The following HTR4 variants were observed in gnomAD, a reference collection of about 807,000 sequenced individuals.
The protein encoded by HTR4 is 5-hydroxytryptamine receptor 4.
HTR4 carries 16 observed loss-of-function variants against 36.8 expected under a neutral mutation model. The observed-to-expected ratio is 0.43, with a 90% CI of 0.29 to 0.66. HTR4 has a LOEUF of 0.66. Ranked by LOEUF, HTR4 falls within the 30% of genes least tolerant of loss-of-function variation. The pLI, the probability that HTR4 is intolerant of heterozygous loss-of-function variation, is 0.13. For synonymous variants in HTR4, 189 were observed against 185.1 expected (o/e 1.02, Z -0.17); for missense variants, 438 against 490.9 (o/e 0.89, Z 1.02).
chr5:148,456,607 G>A (rs1426364514), intron 5 of HTR4, among the ~76,000 whole-genome samples: 1 of 152,186 alleles, frequency 6.6e-6, no homozygotes, highest in African/African-American at 2.4e-5. Flanking sequence ...ATCTACAAAT[G>A]CCTTAACAGA....
At chr5:148,636,705 T>C (rs1753553415) in intron 2 of HTR4, among the ~76,000 whole-genome samples, 1 of 152,194 alleles carries the variant, frequency 6.6e-6, no homozygotes, top group African/African-American at 2.4e-5. Flanking sequence ...AAATACATCT[T>C]TCTTCCTATT....
chr5:148,478,294 T>A (rs58999376), downstream of HTR4, among the ~76,000 whole-genome samples: 1,674 of 151,818 alleles, frequency 0.011, 89 homozygotes, highest in East Asian at 0.17. Flanking sequence ...AACTAGGCGA[T>A]TTGTAAAGAA....
chr5:148,520,089 C>A (rs1757941834), intron 5 of HTR4, among the ~76,000 whole-genome samples: 1 of 152,150 alleles, frequency 6.6e-6, no homozygotes, highest in Admixed American at 6.5e-5. Flanking sequence ...TCACAGGAAC[C>A]TAATCCTGTG....
At chr5:148,576,124 A>AAAAACAAAC (rs1554097002) in intron 2 of HTR4, among the ~76,000 whole-genome samples, 5 of 147,416 alleles carry the variant, frequency 3.4e-5, no homozygotes, top group African/African-American at 1.3e-4. Flanking sequence ...AAAAAAAAAA[A>AAAAACAAAC]AAAAAAAAAC....
intron 5 of HTR4, chr5:148,465,838 T>G: frequency 6.2e-7 from 1 of 1,606,972 alleles, no homozygotes; most frequent in Non-Finnish European, 8.5e-7. Flanking sequence ...CAACAGACAG[T>G]GACAGACTTA....
chr5:148,617,565 T>G (rs1282042236), intron 2 of HTR4, among the ~76,000 whole-genome samples: 2 of 151,690 alleles, frequency 1.3e-5, no homozygotes, highest in Non-Finnish European at 2.9e-5. Flanking sequence ...ACCTCCCAGG[T>G]TCAAGTGATT....
chr5:148,554,788 C>T (rs1426010651), intron 2 of HTR4, among the ~76,000 whole-genome samples: 2 of 152,148 alleles, frequency 1.3e-5, no homozygotes, highest in Non-Finnish European at 2.9e-5. Flanking sequence ...TCTTGATCCT[C>T]ACCCTCCTCC....
chr5:148,635,916 T>C (rs1458602474), intron 2 of HTR4, among the ~76,000 whole-genome samples: 1 of 152,144 alleles, frequency 6.6e-6, no homozygotes, highest in African/African-American at 2.4e-5. Flanking sequence ...TTATTGAGAG[T>C]GTAAAATGTT....
At chr5:148,500,831 T>C (rs1271381053) in intron 6 of HTR4, among the ~76,000 whole-genome samples, 1 of 152,180 alleles carries the variant, frequency 6.6e-6, no homozygotes, top group Non-Finnish European at 1.5e-5. Context: ...AACCTAATAT[T>C]TTTTAATTAA....
intron 1 of HTR4, among the ~76,000 whole-genome samples, chr5:148,649,941 C>T (rs1250093929): frequency 1.3e-5 from 2 of 152,164 alleles, no homozygotes; most frequent in African/African-American, 2.4e-5. Context: ...ACAACATCAT[C>T]ACCTGCGAAC....
rs567445035 is a variant in HTR4 at position 148,554,196 on chromosome 5, C to T, written c.27-3934G>A. On this transcript the variant is annotated intron_variant, in intron 2 of 6. Coordinates refer to ENST00000377888, the MANE Select transcript of HTR4 (RefSeq NM_000870.7). ...GTTCAAGTTATTCTTCTGCCTCGGG[C>T]TTCCAAGTAGCTGGGATTACAGGAA... Among the ~76,000 whole-genome samples the T allele has an allele frequency of 2.6e-5, 4 of 152,268 alleles. No homozygotes were observed. In the East Asian group the frequency reaches 7.7e-4, roughly 29 times the overall value.
At chr5:148,567,078 C>A (rs780915066) in intron 2 of HTR4, among the ~76,000 whole-genome samples, 2 of 152,058 alleles carry the variant, frequency 1.3e-5, no homozygotes, top group Non-Finnish European at 2.9e-5. Context: ...TACTAATTGG[C>A]GTACTTCATT....
intron 4 of HTR4, among the ~76,000 whole-genome samples, chr5:148,538,931 C>A (rs1010420594): frequency 1.4e-4 from 21 of 152,058 alleles, no homozygotes; most frequent in Admixed American, 1.0e-3. Context: ...CAATCCTAAG[C>A]AAAAAGAACA....
chr5:148,550,200 A>C lies in HTR4; in HGVS notation c.89T>G (p.Ile30Ser). ...VVLLTFLSTV[I>S]LMAILGNLLV... ...CAGGTTCCCCAAGATGGCCATCAGG[A>C]TAACCGTCGAGAGAAACGTGAGCAG... The change falls in exon 3 of 7, where the codon ATC (isoleucine) becomes AGC (serine). Residue 30 changes from isoleucine (I) to serine (S), a missense_variant. By Grantham distance (142) the Ile-to-Ser change is moderately radical. Coordinates refer to ENST00000377888, the MANE Select transcript of HTR4 (RefSeq NM_000870.7). 1 of 1,614,156 alleles carries C rather than the reference A, an allele frequency of 6.2e-7. No individual in the cohort carries two copies. Among genetic ancestry groups the C allele is most frequent in the Non-Finnish European group, 8.5e-7 (1 of 1,180,018 alleles).
At chr5:148,647,781 G>A (rs1267755964) in intron 1 of HTR4, among the ~76,000 whole-genome samples, 9 of 152,210 alleles carry the variant, frequency 5.9e-5, no homozygotes, top group African/African-American at 1.9e-4. Context: ...CCCCGGAGGC[G>A]AAGGTTTCAG....
At chr5:148,650,625 T>C (rs1281792196) in intron 1 of HTR4, among the ~76,000 whole-genome samples, 2 of 152,172 alleles carry the variant, frequency 1.3e-5, no homozygotes, top group Non-Finnish European at 2.9e-5. Context: ...TTTAGATTGA[T>C]GGTAAGGAGA....
intron 1 of HTR4, among the ~76,000 whole-genome samples, chr5:148,650,969 G>C (rs1309238899): frequency 1.3e-5 from 2 of 152,186 alleles, no homozygotes; most frequent in Non-Finnish European, 2.9e-5. Flanking sequence ...GAGGTTCAGA[G>C]CATGAACTCT....
At chr5:148,459,105 C>A (rs1280142890) in intron 5 of HTR4, among the ~76,000 whole-genome samples, 1 of 152,106 alleles carries the variant, frequency 6.6e-6, no homozygotes, top group Non-Finnish European at 1.5e-5. Flanking sequence ...GTAGAGCTGA[C>A]AGGATCTGCT....
chr5:148,632,493 TG>T (rs1379908451), intron 2 of HTR4, among the ~76,000 whole-genome samples: 1 of 152,070 alleles, frequency 6.6e-6, no homozygotes, highest in African/African-American at 2.4e-5. Context: ...AGAGAGCTCA[TG>T]GGGCAGGGAG....
Sources: gnomAD v4.1 joint callset for allele counts (sites outside exome capture counted in the v4.1 genomes callset) on GRCh38, gnomAD v4.1.1 for gene constraint, MANE v1.5 for transcripts, NCBI Gene and HGNC (gene_info 2026-07-23, HGNC 2026-07-21) for gene names.